SLC22A23: variants seen among roughly 807,000 people sequenced by gnomAD.
SLC22A23 encodes the protein solute carrier family 22 member 23, also known as ion transporter protein.
SLC22A23 carries 26 observed loss-of-function variants against 61.0 expected under a neutral mutation model. The ratio of observed to expected loss-of-function variants is 0.43; its 90% confidence interval spans 0.31 to 0.59. The LOEUF is 0.59. SLC22A23 is among the 20% of genes least tolerant of loss of function. The pLI, the probability that SLC22A23 is intolerant of heterozygous loss-of-function variation, is 0.11. For missense variants in SLC22A23, 796 were observed against 934.7 expected (o/e 0.85, Z 1.94); for synonymous variants, 430 against 413.9 (o/e 1.04, Z -0.47).
chr6:3,448,780 A>T (rs4246062), intron 1 of SLC22A23, among the ~76,000 whole-genome samples: 2 of 151,696 alleles, frequency 1.3e-5, no homozygotes, highest in African/African-American at 4.8e-5. Flanking sequence ...AGGCGTGAGC[A>T]ACCGCGCCCA....
rs909029479 is a variant in SLC22A23 at position 3,317,832 on chromosome 6, C to T, written c.1082+6002G>A. Among the ~76,000 whole-genome samples, 4 of 152,140 alleles carry T rather than the reference C, an allele frequency of 2.6e-5. No individual in the cohort carries two copies. The highest frequency in any genetic ancestry group is 4.4e-5 in the Non-Finnish European group (3 of 68,026). On this transcript the variant is annotated intron_variant, in intron 4 of 9. Coordinates refer to ENST00000406686, the MANE Select transcript of SLC22A23 (RefSeq NM_015482.2). The surrounding 1 kb of genome is among the most constrained non-coding windows in gnomAD (Gnocchi z 4.4). ...AAACCACACGAGAGGACCAGGCGAGCGCACCCTCCCATTCTCTGGCCACCA... is the reference window on the plus strand; with the variant it reads ...AAACCACACGAGAGGACCAGGCGAGTGCACCCTCCCATTCTCTGGCCACCA...
rs965358153 is a variant in SLC22A23, at chr6:3,327,108, T to C, written c.914-3106A>G. Among the ~76,000 whole-genome samples the C allele has an allele frequency of 6.6e-6, 1 of 152,056 alleles. No homozygotes were observed. Among genetic ancestry groups the C allele is most frequent in the African/African-American group, 2.4e-5 (1 of 41,484 alleles). On this transcript the variant is annotated intron_variant, in intron 3 of 9. Coordinates refer to ENST00000406686, the MANE Select transcript of SLC22A23 (RefSeq NM_015482.2). The surrounding 1 kb of genome is among the most constrained non-coding windows in gnomAD (Gnocchi z 4.1). ...GACGGGGACTGCAGGTGGATAGTTTTTGCTGGGCTCTGCAAGCAGAAGCAT... is the reference window on the plus strand; with the variant it reads ...GACGGGGACTGCAGGTGGATAGTTTCTGCTGGGCTCTGCAAGCAGAAGCAT...
At chr6:3,316,282 ACCTCTGGTTCCTTGGAT>A (rs2127388866) in intron 4 of SLC22A23, among the ~76,000 whole-genome samples, 1 of 152,336 alleles carries the variant, frequency 6.6e-6, no homozygotes, top group African/African-American at 2.4e-5. Flanking sequence ...AACTCCACCA[ACCTCTGGTTCCTTGGAT>A]CCAGGAAGAG....
At position 3,402,121 on chromosome 6, in the gene SLC22A23, G is replaced by A. The variant is rs571594957; in HGVS notation, c.913+8067C>T. 6.6e-5 allele frequency among the ~76,000 whole-genome samples: 10 copies of A among 152,268 alleles called. 1 individual carries two copies. The highest frequency in any genetic ancestry group is 2.2e-4 in the African/African-American group (9 of 41,548). ...CTTCTCCCCATTCCTCAGTCATTGA[G>A]GCTGTGATTCTGCATCCTCAGTGTC... On this transcript the variant is annotated intron_variant, in intron 3 of 9. Transcript: ENST00000406686.
chr6:3,425,527 G>A (rs531723739), intron 1 of SLC22A23, among the ~76,000 whole-genome samples: 3 of 151,998 alleles, frequency 2.0e-5, no homozygotes, highest in Non-Finnish European at 2.9e-5. Context: ...CTCATGATCC[G>A]CCCACCTCGG....
intron 3 of SLC22A23, among the ~76,000 whole-genome samples, chr6:3,406,534 G>GTA (rs1441400271): frequency 7.3e-5 from 4 of 54,888 alleles, no homozygotes; most frequent in African/African-American, 1.3e-4. Flanking sequence ...GCCTGTGTGT[G>GTA]TGTGTGTGTG....
chr6:3,453,756 C>A (rs1462108828), intron 1 of SLC22A23, among the ~76,000 whole-genome samples: 2 of 152,196 alleles, frequency 1.3e-5, no homozygotes, highest in South Asian at 2.1e-4. Flanking sequence ...GAAAGAGGCA[C>A]AAAAGGCAGC....
In SLC22A23 at chr6:3,333,532, C is replaced by T. The variant is rs977415014; in HGVS notation, c.914-9530G>A. On this transcript the variant is annotated intron_variant, in intron 3 of 9. Transcript: ENST00000406686. This position sits in a 1 kb window ranked among gnomAD's most constrained non-coding sequence, Gnocchi z 4.1. Reference sequence around the variant, plus strand: ...CTCCTCTAACCCAGCAAGCACACCCCCCTTCTGGGCTGTGCACTCCCCGTC... The same window carrying T: ...CTCCTCTAACCCAGCAAGCACACCCTCCTTCTGGGCTGTGCACTCCCCGTC... Among the ~76,000 whole-genome samples the T allele has an allele frequency of 3.3e-5, 5 of 152,210 alleles. No homozygotes were observed. The highest frequency in any genetic ancestry group is 1.2e-4 in the African/African-American group (5 of 41,458).
At chr6:3,453,646 G>T (rs1772256485) in intron 1 of SLC22A23, among the ~76,000 whole-genome samples, 1 of 152,132 alleles carries the variant, frequency 6.6e-6, no homozygotes, top group Non-Finnish European at 1.5e-5. Flanking sequence ...TGCATATATT[G>T]TAGGGCACAC....
In SLC22A23 at chr6:3,360,291, C is replaced by CA. The variant is rs2127446954; in HGVS notation, c.914-36290dup. ...GTTTATTTTACCATGATAAAACAAA[C>CA]ACCCCCCTCCAAATAAAACAACAAC... On this transcript the variant is annotated intron_variant, in intron 3 of 9. Coordinates refer to ENST00000406686, the MANE Select transcript of SLC22A23 (RefSeq NM_015482.2). The surrounding 1 kb of genome is among the most constrained non-coding windows in gnomAD (Gnocchi z 4.6). Among the ~76,000 whole-genome samples the CA allele has an allele frequency of 6.6e-6, 1 of 152,310 alleles. No individual in the cohort carries two copies. The highest frequency in any genetic ancestry group is 2.1e-4 in the South Asian group (1 of 4,822).
At chr6:3,343,879 CAGA>C (rs1376720800) in intron 3 of SLC22A23, among the ~76,000 whole-genome samples, 1 of 152,178 alleles carries the variant, frequency 6.6e-6, no homozygotes, top group African/African-American at 2.4e-5. Flanking sequence ...CACAGGATGG[CAGA>C]AGAAGGAACT....
rs1367901221 is a variant in SLC22A23 at position 3,286,196 on chromosome 6, T to A, written c.1546+663A>T. On this transcript the variant is annotated intron_variant, in intron 7 of 9. Coordinates refer to ENST00000406686, the MANE Select transcript of SLC22A23 (RefSeq NM_015482.2). The surrounding 1 kb of genome is among the most constrained non-coding windows in gnomAD (Gnocchi z 4.2). Reference sequence around the variant, plus strand: ...TTACTGCAACCTCTGCCTCCCAAGTTCAAGTGATTCTTCTGCCTCAGCCTC... The same window carrying A: ...TTACTGCAACCTCTGCCTCCCAAGTACAAGTGATTCTTCTGCCTCAGCCTC... Among the ~76,000 whole-genome samples the A allele has an allele frequency of 6.6e-6, 1 of 151,900 alleles. No individual in the cohort carries two copies. Among genetic ancestry groups the A allele is most frequent in the Admixed American group, 6.6e-5 (1 of 15,242 alleles).
At chr6:3,382,665 A>G (rs1767029263) in intron 3 of SLC22A23, among the ~76,000 whole-genome samples, 1 of 152,226 alleles carries the variant, frequency 6.6e-6, no homozygotes, top group African/African-American at 2.4e-5. Flanking sequence ...GCTTTATTGT[A>G]ACACCCATTT....
chr6:3,415,756 C>A lies in SLC22A23; in HGVS notation c.754G>T (p.Asp252Tyr). 6.4e-7 allele frequency: 1 copy of A among 1,550,630 alleles called. No homozygotes were observed. The highest frequency in any genetic ancestry group is 1.2e-5 in the South Asian group (1 of 83,976). ...FGYLITGCIA[D>Y]WVGRRPVLLF... Reference sequence around the variant, plus strand: ...GGCGGGCATGTTGGTACTCACCAGTCAGCAATGCATCCAGTTATTAGGTAG... The same window carrying A: ...GGCGGGCATGTTGGTACTCACCAGTAAGCAATGCATCCAGTTATTAGGTAG... The change falls in exon 2 of 10, where the codon GAC becomes TAC. Residue 252 changes from aspartate to tyrosine, a missense_variant. Coordinates refer to ENST00000406686, the MANE Select transcript of SLC22A23 (RefSeq NM_015482.2).
intron 4 of SLC22A23, among the ~76,000 whole-genome samples, chr6:3,300,000 T>TTTTA (rs1761471499): frequency 3.0e-5 from 1 of 33,288 alleles, no homozygotes; most frequent in African/African-American, 1.9e-4. Context: ...AGGATAGACT[T>TTTTA]TTTTTTTTTT....
intron 3 of SLC22A23, among the ~76,000 whole-genome samples, chr6:3,354,145 C>T (rs1208526204): frequency 6.6e-6 from 1 of 152,218 alleles, no homozygotes; most frequent in African/African-American, 2.4e-5. Context: ...ATGGCCAAGA[C>T]AAGAGCCACA....
chr6:3,273,293 G>C lies in SLC22A23; in HGVS notation c.1823C>G (p.Thr608Arg). ...FLHHIIFACC[T>R]LICIICILLL... ...GAGGATGCAGATGATGCAGATGAGC[G>C]TGCAGCAGGCAAAGATGATGTGGTG... Residue 608 changes from threonine to arginine, a missense_variant, in exon 10 of 10, where the codon ACG (threonine) becomes AGG (arginine). Physicochemically the swap from Thr to Arg is moderately conservative, Grantham distance 71. Transcript: ENST00000406686. 6.2e-7 allele frequency: 1 copy of C among 1,614,028 alleles called. No individual in the cohort carries two copies. Among genetic ancestry groups the C allele is most frequent in the Non-Finnish European group, 8.5e-7 (1 of 1,179,934 alleles).
At chr6:3,280,512 T>TTTTTTTTTTTTCCC (rs781526188) in intron 9 of SLC22A23, among the ~76,000 whole-genome samples, 3 of 98,330 alleles carry the variant, frequency 3.1e-5, no homozygotes, top group African/African-American at 1.1e-4. Flanking sequence ...TTTTTTTTTT[T>TTTTTTTTTTTTCCC]TGAGATGGAG....
rs1365762338 is a variant in SLC22A23 at position 3,333,719 on chromosome 6, G to C, written c.914-9717C>G. ...CACAGAGGAGAGTGCCTCCCCGACA[G>C]TGGTTTGCAAGTGTGGCCCCAGACC... On this transcript the variant is annotated intron_variant, in intron 3 of 9. Coordinates refer to ENST00000406686, the MANE Select transcript of SLC22A23 (RefSeq NM_015482.2). This position sits in a 1 kb window ranked among gnomAD's most constrained non-coding sequence, Gnocchi z 4.1. Among the ~76,000 whole-genome samples, 1 of 152,180 alleles carries C rather than the reference G, an allele frequency of 6.6e-6. No individual in the cohort carries two copies. Among genetic ancestry groups the C allele is most frequent in the Non-Finnish European group, 1.5e-5 (1 of 68,034 alleles).
Sources: gnomAD v4.1 joint callset for allele counts (sites outside exome capture counted in the v4.1 genomes callset) on GRCh38, gnomAD v4.1.1 for gene constraint, Gnocchi (gnomAD v3.1) non-coding constraint, MANE v1.5 for transcripts, NCBI Gene and HGNC (gene_info 2026-07-23, HGNC 2026-07-21) for gene names.